BFSP2: variants seen among roughly 807,000 people sequenced by gnomAD.
BFSP2 encodes the protein beaded filament structural protein 2, also known as phakinin.
In BFSP2, 38 loss-of-function variants were observed where a neutral mutation model predicts 44.9. That is an observed-to-expected ratio of 0.85 (90% confidence interval 0.65 to 1.11). The LOEUF is 1.11. Ranked by LOEUF, BFSP2 falls within the 50% of genes least tolerant of loss-of-function variation. BFSP2 has a pLI of 0.00. For missense variants in BFSP2, 525 were observed against 533.0 expected, an observed-to-expected ratio of 0.99 and a Z score of 0.15; for synonymous variants, 197 against 209.9, an observed-to-expected ratio of 0.94 and a Z score of 0.53.
chr3:133,469,231 G>C (rs2074139904), intron 5 of BFSP2, among the ~76,000 whole-genome samples: 1 of 152,240 alleles, frequency 6.6e-6, no homozygotes, highest in African/African-American at 2.4e-5. Context: ...GGGCCTTGCA[G>C]CCAAGGTGAG....
intron 1 of BFSP2, among the ~76,000 whole-genome samples, chr3:133,416,324 CGTCCTCTCCCTTCTCCTCACCCCT>C (rs1307772277): frequency 4.9e-5 from 7 of 143,254 alleles, no homozygotes; most frequent in Admixed American, 1.4e-4. Context: ...TCTACTCACC[CGTCCTCTCCCTTCTCCTCACCCCT>C]GTCCTGTCCC....
intron 4 of BFSP2, among the ~76,000 whole-genome samples, chr3:133,461,006 A>G (rs2074057147): frequency 6.6e-6 from 1 of 152,232 alleles, no homozygotes; most frequent in African/African-American, 2.4e-5. Context: ...TTGCAATTTC[A>G]AAGACCAGGA....
At chr3:133,428,126 T>G (rs2073670583) in intron 1 of BFSP2, among the ~76,000 whole-genome samples, 1 of 152,204 alleles carries the variant, frequency 6.6e-6, no homozygotes, top group Admixed American at 6.5e-5. Flanking sequence ...CAGTTTGACC[T>G]TGAGGTTTTC....
chr3:133,409,314 A>G (rs2073429549), intron 1 of BFSP2, among the ~76,000 whole-genome samples: 1 of 151,938 alleles, frequency 6.6e-6, no homozygotes, highest in South Asian at 2.1e-4. Context: ...CTGAGACTTG[A>G]ATGTGAGTGA....
intron 4 of BFSP2, among the ~76,000 whole-genome samples, chr3:133,458,012 G>A (rs920462546): frequency 5.3e-5 from 8 of 152,126 alleles, no homozygotes; most frequent in Non-Finnish European, 7.3e-5. Flanking sequence ...TTATAGACAT[G>A]GAATTGTTGG....
At chr3:133,456,626 G>A (rs1225190294) in intron 4 of BFSP2, among the ~76,000 whole-genome samples, 1 of 152,104 alleles carries the variant, frequency 6.6e-6, no homozygotes, top group Non-Finnish European at 1.5e-5. Flanking sequence ...TGTGCCTGCA[G>A]TCCCATGGAA....
intron 4 of BFSP2, among the ~76,000 whole-genome samples, chr3:133,465,713 G>C (rs2074103059): frequency 1.3e-5 from 2 of 152,210 alleles, no homozygotes; most frequent in South Asian, 2.1e-4. Flanking sequence ...CTCCTGGTTT[G>C]AGGGCGGTAT....
chr3:133,445,060 A>G (rs2073884829), intron 1 of BFSP2, among the ~76,000 whole-genome samples: 1 of 152,222 alleles, frequency 6.6e-6, no homozygotes, highest in Admixed American at 6.5e-5. Flanking sequence ...TGGTTTCTCA[A>G]CAAACAGGAC....
At chr3:133,420,822 G>A (rs1043072727) in intron 1 of BFSP2, among the ~76,000 whole-genome samples, 11 of 152,180 alleles carry the variant, frequency 7.2e-5, no homozygotes, top group African/African-American at 2.7e-4. Context: ...GTGCTGAGCA[G>A]AGTGTGTCCC....
At chr3:133,425,953 G>GGGGGAAGTGGAGGGGAGGGGGA (rs1283672991) in intron 1 of BFSP2, among the ~76,000 whole-genome samples, 1 of 3,124 alleles carries the variant, frequency 3.2e-4, no homozygotes, top group African/African-American at 3.6e-3. Flanking sequence ...AGGGAGGGGA[G>GGGGGAAGTGGAGGGGAGGGGGA]GGGGAGGGGG....
At chr3:133,450,114 C>T (rs1373490240) in intron 3 of BFSP2, among the ~76,000 whole-genome samples, 189 bp from the exon 4 acceptor site, 1 of 151,738 alleles carries the variant, frequency 6.6e-6, no homozygotes, top group African/African-American at 2.4e-5. Context: ...GAAATGCATC[C>T]TTGGGAAAAG....
At position 133,450,405 on chromosome 3, in the gene BFSP2, C is replaced by T; in HGVS notation, c.832C>T (p.Gln278Ter). ...LDDILETIRI[Q>*]WERDVEKNRV... ...CGACATCCTTGAGACGATCAGAATTCAGTGGGAGAGAGATGTTGAAAAGAA... is the reference window on the plus strand; with the variant it reads ...CGACATCCTTGAGACGATCAGAATTTAGTGGGAGAGAGATGTTGAAAAGAA... The change falls in exon 4 of 7, where the codon CAG becomes TAG. Residue 278 changes from glutamine (Q) to a stop codon, truncating the protein, a stop_gained. Coordinates refer to ENST00000302334, the MANE Select transcript of BFSP2 (RefSeq NM_003571.4). LOFTEE classifies it high-confidence loss of function. 6.2e-7 allele frequency: 1 copy of T among 1,614,128 alleles called. No individual in the cohort carries two copies. The highest frequency in any genetic ancestry group is 2.2e-5 in the East Asian group (1 of 44,864).
In BFSP2 at chr3:133,450,443, A is replaced by T; in HGVS notation, c.870A>T (p.Ala290=). 1 of 1,614,146 alleles carries T rather than the reference A, an allele frequency of 6.2e-7. No homozygotes were observed. Among genetic ancestry groups the T allele is most frequent in the Non-Finnish European group, 8.5e-7 (1 of 1,180,014 alleles). The change falls in exon 4 of 7, where the codon GCA becomes GCT. Residue 290 remains alanine, a synonymous_variant. Transcript: ENST00000302334. The part of the protein sequence containing the change: ...ERDVEKNRVE[A]GALLQAKQQA... Reference sequence around the variant, plus strand: ...ATGTTGAAAAGAACCGGGTGGAGGCAGGAGCCCTGCTCCAAGCTAAGGTGA... The same window carrying T: ...ATGTTGAAAAGAACCGGGTGGAGGCTGGAGCCCTGCTCCAAGCTAAGGTGA...
chr3:133,418,419 G>T (rs1287521397), intron 1 of BFSP2, among the ~76,000 whole-genome samples: 1 of 152,170 alleles, frequency 6.6e-6, no homozygotes, highest in Non-Finnish European at 1.5e-5. Context: ...AGGAGTAACT[G>T]GGACAAGGAG....
chr3:133,468,538 T>G (rs550393713), intron 5 of BFSP2, among the ~76,000 whole-genome samples: 5 of 152,322 alleles, frequency 3.3e-5, no homozygotes, highest in African/African-American at 1.2e-4. Context: ...GACTCAATTG[T>G]GCATCTCTTT....
intron 1 of BFSP2, among the ~76,000 whole-genome samples, chr3:133,421,580 C>T (rs1228530386): frequency 6.6e-6 from 1 of 152,054 alleles, no homozygotes; most frequent in Non-Finnish European, 1.5e-5. Context: ...CTGTAAAGAT[C>T]TTATTTCCAA....
At chr3:133,434,361 T>G (rs2073759730) in intron 1 of BFSP2, among the ~76,000 whole-genome samples, 1 of 152,060 alleles carries the variant, frequency 6.6e-6, no homozygotes. Context: ...ACAAAAATCT[T>G]CCTTCAGCTT....
chr3:133,422,584 G>T (rs1395517029), intron 1 of BFSP2, among the ~76,000 whole-genome samples: 1 of 152,146 alleles, frequency 6.6e-6, no homozygotes, highest in East Asian at 1.9e-4. Context: ...TCTGAGCAGT[G>T]GATGAAGCCT....
At chr3:133,430,754 C>T (rs1165082445) in intron 1 of BFSP2, among the ~76,000 whole-genome samples, 1 of 152,124 alleles carries the variant, frequency 6.6e-6, no homozygotes, top group Non-Finnish European at 1.5e-5. Flanking sequence ...CAACCCCAAG[C>T]GTCGCTGAGT....
Sources: gnomAD v4.1 joint callset for allele counts (sites outside exome capture counted in the v4.1 genomes callset) on GRCh38, gnomAD v4.1.1 for gene constraint, MANE v1.5 for transcripts, NCBI Gene and HGNC (gene_info 2026-07-23, HGNC 2026-07-21) for gene names.